Variants in PSD3 observed in about 807,000 individuals in gnomAD.
PSD3 encodes the protein pleckstrin and Sec7 domain containing 3.
In PSD3, 49 loss-of-function variants were observed where a neutral mutation model predicts 105.5. The ratio of observed to expected loss-of-function variants is 0.46; its 90% CI spans 0.37 to 0.59. The LOEUF is 0.59. Ranked by LOEUF, PSD3 falls within the 20% of genes least tolerant of loss-of-function variation. PSD3 has a pLI of 0.00. For missense variants in PSD3, 1,561 were observed against 1,263.8 expected, an observed-to-expected ratio of 1.24 and a Z score of -3.57; for synonymous variants, 557 against 457.8, an observed-to-expected ratio of 1.22 and a Z score of -2.77.
At chr8:18,681,376 G>A (rs1159569929) in intron 9 of PSD3, among the ~76,000 whole-genome samples, 3 of 150,698 alleles carry the variant, frequency 2.0e-5, no homozygotes, top group Non-Finnish European at 4.4e-5. Flanking sequence ...GGAGGCAGAG[G>A]TGGAAGGACT....
chr8:18,923,695 T>G (rs936064481), intron 2 of PSD3, among the ~76,000 whole-genome samples: 7 of 152,136 alleles, frequency 4.6e-5, no homozygotes, highest in Non-Finnish European at 8.8e-5. Context: ...TAAGTACATT[T>G]TATGATGTTT....
intron 4 of PSD3, among the ~76,000 whole-genome samples, chr8:18,817,583 C>T (rs1812318187): frequency 6.6e-6 from 1 of 152,214 alleles, no homozygotes; most frequent in African/African-American, 2.4e-5. Context: ...AGTCAAACAA[C>T]TGTGTACTCG....
At chr8:18,968,375 A>C (rs1824417221) in intron 1 of PSD3, among the ~76,000 whole-genome samples, 1 of 152,218 alleles carries the variant, frequency 6.6e-6, no homozygotes. Context: ...TATCTAAATC[A>C]ATTGTCCTCG....
intron 1 of PSD3, among the ~76,000 whole-genome samples, chr8:19,012,925 C>G (rs748065270): frequency 7.2e-5 from 11 of 151,940 alleles, no homozygotes; most frequent in Non-Finnish European, 1.5e-4. Flanking sequence ...CCTTTGACAT[C>G]GAGGGGAATG....
At chr8:18,625,030 C>T (rs73585827) in intron 11 of PSD3, among the ~76,000 whole-genome samples, 1,757 of 152,092 alleles carry the variant, frequency 0.012, 32 homozygotes, top group African/African-American at 0.04. Flanking sequence ...GCCACTGTAC[C>T]CAGCTGCTTT....
intron 1 of PSD3, 57 bp downstream of exon 1, chr8:19,013,506 G>A: frequency 1.3e-6 from 2 of 1,578,742 alleles, no homozygotes; most frequent in Non-Finnish European, 1.7e-6. Context: ...CAAACCCCAC[G>A]TCGAACAGCG....
intron 4 of PSD3, among the ~76,000 whole-genome samples, chr8:18,823,163 C>A (rs73666727): frequency 0.056 from 8,469 of 151,614 alleles, 282 homozygotes; most frequent in African/African-American, 0.091. Context: ...CAAAATAGAC[C>A]TGCCAGTCTG....
intron 1 of PSD3, among the ~76,000 whole-genome samples, chr8:18,989,937 C>T (rs1199970306): frequency 6.6e-6 from 1 of 152,202 alleles, no homozygotes. Context: ...AAGAGTGCTA[C>T]ATCTCAATAA....
intron 1 of PSD3, among the ~76,000 whole-genome samples, chr8:19,044,099 G>C (rs1828231210): frequency 6.6e-6 from 1 of 152,210 alleles, no homozygotes; most frequent in South Asian, 2.1e-4. Context: ...ACAGTCAGAA[G>C]CAAGTAAGAT....
chr8:18,807,651 G>GAC (rs1811319293), intron 4 of PSD3, among the ~76,000 whole-genome samples: 2 of 152,160 alleles, frequency 1.3e-5, no homozygotes, highest in Admixed American at 1.3e-4. Context: ...AACTGGAACT[G>GAC]ACCCAGGCAA....
In PSD3 at chr8:18,532,788, A is replaced by G. The variant is rs540983490; in HGVS notation, c.*2955T>C. The G allele has an allele frequency of 6.6e-6, 1 of 152,300 alleles. No homozygotes were observed. The highest frequency in any genetic ancestry group is 6.5e-5 in the Admixed American group (1 of 15,292). 9.4% of individuals were successfully genotyped at this position (152,300 alleles called of 1,614,324 possible). A position where few individuals can be genotyped will look rare whatever the true frequency, so the allele number is the denominator to read the frequency against. ...GTAAAAGCCAGCATGCGAGGTGGGG[A>G]CAAACCCCTAAAATTCAGATTTTAT... is the stretch of plus-strand genomic sequence containing the variant. On this transcript the variant is annotated 3_prime_UTR_variant, in exon 16 of 16. Transcript: ENST00000327040.
chr8:18,897,635 A>C (rs1222887174), intron 2 of PSD3, among the ~76,000 whole-genome samples: 1 of 152,136 alleles, frequency 6.6e-6, no homozygotes, highest in African/African-American at 2.4e-5. Flanking sequence ...AATTCATGAA[A>C]ATGCAATGTG....
chr8:18,681,944 T>TGAC (rs1408906770), intron 9 of PSD3, among the ~76,000 whole-genome samples: 1 of 151,770 alleles, frequency 6.6e-6, no homozygotes, highest in African/African-American at 2.4e-5. Flanking sequence ...GATGGCCTAC[T>TGAC]GACTACAGTT....
intron 1 of PSD3, among the ~76,000 whole-genome samples, chr8:18,992,258 C>CTA (rs1472774149): frequency 6.6e-6 from 1 of 152,034 alleles, no homozygotes; most frequent in East Asian, 1.9e-4. Flanking sequence ...GCAAGTGGGA[C>CTA]TATAGCTTGC....
chr8:18,671,926 G>A (rs533429045), intron 9 of PSD3, among the ~76,000 whole-genome samples: 6 of 152,032 alleles, frequency 3.9e-5, no homozygotes, highest in Non-Finnish European at 5.9e-5. Flanking sequence ...CCACTGCGCC[G>A]GGCCTGATTT....
rs902858850 is a variant in PSD3, at chr8:18,594,433, ATATAT to A, written c.2481+5926_2481+5930del. 8.0e-5 allele frequency among the ~76,000 whole-genome samples: 10 copies of A among 125,020 alleles called. No individual in the cohort carries two copies. In the East Asian group the frequency reaches 1.1e-3, roughly 14 times the overall value. The allele number at this position is 125,020 out of a possible 152,430, so 82.0% of individuals were successfully genotyped here. ...ATATAAATAATATACATTATATATAATATATTATATTATTTATATATTATATTATA... is the reference window on the plus strand; with the variant it reads ...ATATAAATAATATACATTATATATAATATATTATTTATATATTATATTATA... On this transcript the variant is annotated intron_variant, in intron 12 of 15. Coordinates refer to ENST00000327040, the MANE Select transcript of PSD3 (RefSeq NM_015310.4).
chr8:19,012,149 C>G (rs1460549982), intron 1 of PSD3, among the ~76,000 whole-genome samples: 1 of 151,582 alleles, frequency 6.6e-6, no homozygotes, highest in Non-Finnish European at 1.5e-5. Context: ...ATCCAAGTCC[C>G]TTTCTTGATA....
intron 1 of PSD3, among the ~76,000 whole-genome samples, chr8:18,962,116 G>A (rs1823963871): frequency 6.6e-6 from 1 of 151,914 alleles, no homozygotes; most frequent in Non-Finnish European, 1.5e-5. Context: ...CCTGGTGGCG[G>A]GCACCTGTAA....
intron 1 of PSD3, among the ~76,000 whole-genome samples, chr8:19,032,104 A>G (rs931131267): frequency 6.6e-6 from 1 of 152,190 alleles, no homozygotes; most frequent in South Asian, 2.1e-4. Flanking sequence ...CTAATCTGAA[A>G]CCAATGGACC....
Sources: allele counts gnomAD v4.1 joint callset (sites outside exome capture counted in the v4.1 genomes callset), GRCh38; gene constraint gnomAD v4.1.1; transcripts MANE v1.5; gene names NCBI Gene and HGNC (gene_info 2026-07-23, HGNC 2026-07-21).